Variants in NLGN1 observed in about 807,000 individuals in gnomAD.
The protein encoded by NLGN1 is neuroligin 1.
Under a neutral mutation model 65.5 loss-of-function variants are expected in NLGN1, and 12 were observed. The ratio of observed to expected loss-of-function variants is 0.18; its 90% confidence interval spans 0.12 to 0.30. The LOEUF is 0.30. NLGN1 is among the 10% of genes least tolerant of loss of function. The probability of loss-of-function intolerance (pLI) is 1.00; values close to 1 mark genes in which losing one functional copy is unlikely to be tolerated. For missense variants in NLGN1, 750 were observed against 1,007.1 expected, an observed-to-expected ratio of 0.74 and a Z score of 3.46; for synonymous variants, 350 against 359.5, an observed-to-expected ratio of 0.97 and a Z score of 0.30.
intron 3 of NLGN1, among the ~76,000 whole-genome samples, chr3:173,724,141 A>G (rs960135423): frequency 3.9e-5 from 6 of 152,212 alleles, no homozygotes; most frequent in Non-Finnish European, 8.8e-5. Flanking sequence ...TGACTAGAAA[A>G]TGAGTCTAAA....
chr3:173,880,321 G>A (rs57221754), intron 4 of NLGN1, among the ~76,000 whole-genome samples: 1 of 151,698 alleles, frequency 6.6e-6, no homozygotes, highest in African/African-American at 2.4e-5. Context: ...AAATGATGAA[G>A]GTAGATGTTT....
chr3:173,764,388 C>T (rs1269557969), intron 3 of NLGN1, among the ~76,000 whole-genome samples: 1 of 152,120 alleles, frequency 6.6e-6, no homozygotes, highest in Non-Finnish European at 1.5e-5. Context: ...AGGGGTGTGA[C>T]TGAATCACTG....
intron 4 of NLGN1, among the ~76,000 whole-genome samples, chr3:173,969,817 A>G (rs1402819989): frequency 1.3e-5 from 2 of 152,226 alleles, no homozygotes; most frequent in Admixed American, 6.5e-5. Context: ...CGTAGAATCA[A>G]AATTGCTACC....
intron 4 of NLGN1, among the ~76,000 whole-genome samples, chr3:173,959,814 A>G (rs1351676096): frequency 6.6e-6 from 1 of 152,166 alleles, no homozygotes. Flanking sequence ...ATGCTCCTAC[A>G]TAATTTATAT....
rs149572696 is a variant in NLGN1, at chr3:174,012,931, A to G, written c.646+205099A>G. On this transcript the variant is annotated intron_variant, in intron 4 of 6. Transcript: ENST00000457714. Reference sequence around the variant, plus strand: ...ATGTTAAGTTGCCAAAGCAGAACGTAGAGCTTACAGCAATAAAAGTGAATC... The same window carrying G: ...ATGTTAAGTTGCCAAAGCAGAACGTGGAGCTTACAGCAATAAAAGTGAATC... Among the ~76,000 whole-genome samples the G allele has an allele frequency of 5.3e-3, 810 of 152,328 alleles. 5 individuals are homozygous for G. The highest frequency in any genetic ancestry group is 8.8e-3 in the Non-Finnish European group (600 of 68,028).
intron 2 of NLGN1, among the ~76,000 whole-genome samples, chr3:173,463,355 T>C (rs1723720214): frequency 6.6e-6 from 1 of 152,230 alleles, no homozygotes; most frequent in South Asian, 2.1e-4. Flanking sequence ...ATTGTAACGC[T>C]GTGTTTTCCC....
rs112241159 is a variant in NLGN1, at chr3:173,507,263, C to T, written c.-321+72185C>T. Among the ~76,000 whole-genome samples, 779 of 152,132 alleles carry T rather than the reference C, an allele frequency of 5.1e-3. 5 individuals carry two copies. Among genetic ancestry groups the T allele is most frequent in the African/African-American group, 0.018 (753 of 41,508 alleles). ...TTGAATGGAAGGAGGAACCAAGAAC[C>T]GCCCTTAACATTTTGTCACACTGAG... On this transcript the variant is annotated intron_variant, in intron 2 of 6. Transcript: ENST00000457714.
chr3:173,774,879 G>T (rs1251477333), intron 3 of NLGN1, among the ~76,000 whole-genome samples: 2 of 151,706 alleles, frequency 1.3e-5, no homozygotes, highest in African/African-American at 4.8e-5. Flanking sequence ...GTTTAACATA[G>T]AGTGTTTTCC....
chr3:173,398,669 A>G (rs1717066736), intron 1 of NLGN1, among the ~76,000 whole-genome samples: 2 of 152,164 alleles, frequency 1.3e-5, no homozygotes, highest in Admixed American at 6.6e-5. Flanking sequence ...CAAAGGTACT[A>G]TTTCTTTTTG....
At chr3:173,995,799 G>T (rs1032660948) in intron 4 of NLGN1, among the ~76,000 whole-genome samples, 2 of 151,184 alleles carry the variant, frequency 1.3e-5, no homozygotes, top group African/African-American at 2.4e-5. Context: ...TGATCCTCTT[G>T]CCTCAGTTTC....
At chr3:174,250,993 G>A (rs527452544) in intron 4 of NLGN1, among the ~76,000 whole-genome samples, 1 of 147,214 alleles carries the variant, frequency 6.8e-6, no homozygotes, top group Non-Finnish European at 1.5e-5. Context: ...TGTCAAACGT[G>A]CACCTATAAC....
chr3:173,769,081 A>G (rs184563933), intron 3 of NLGN1, among the ~76,000 whole-genome samples: 1 of 152,188 alleles, frequency 6.6e-6, no homozygotes, highest in East Asian at 1.9e-4. Flanking sequence ...ACCGACCTAG[A>G]TTGGTCTCCA....
intron 2 of NLGN1, among the ~76,000 whole-genome samples, chr3:173,518,139 A>G (rs1488186110): frequency 1.3e-5 from 2 of 152,178 alleles, no homozygotes; most frequent in Non-Finnish European, 2.9e-5. Context: ...CCTTCAGGCA[A>G]TGATATCAGT....
In NLGN1 at chr3:173,932,063, A is replaced by C. The variant is rs771057788; in HGVS notation, c.646+124231A>C. On this transcript the variant is annotated intron_variant, in intron 4 of 6. Transcript: ENST00000457714. ...TGTTTTGTTTTCCAGAGCAAATGGA[A>C]GGATTGGGTTTCCATTACTGAAAGA... Among the ~76,000 whole-genome samples, 3 of 152,082 alleles carry C rather than the reference A, an allele frequency of 2.0e-5. No individual in the cohort carries two copies. In the Middle Eastern group the frequency reaches 0.01, roughly 517 times the overall value.
intron 3 of NLGN1, among the ~76,000 whole-genome samples, chr3:173,681,278 C>T (rs865829351): frequency 2.0e-5 from 3 of 152,058 alleles, no homozygotes; most frequent in South Asian, 2.1e-4. Flanking sequence ...AATGACCTTA[C>T]GGTCAGTGTT....
chr3:174,115,730 A>G (rs1716251496), intron 4 of NLGN1, among the ~76,000 whole-genome samples: 1 of 152,198 alleles, frequency 6.6e-6, no homozygotes, highest in Non-Finnish European at 1.5e-5. Flanking sequence ...CACAATAACA[A>G]AGACAAAGCT....
intron 4 of NLGN1, 73 bp from the exon 5 acceptor site, chr3:174,275,242 A>G: frequency 2.7e-6 from 3 of 1,109,384 alleles, no homozygotes; most frequent in Non-Finnish European, 2.7e-6. Context: ...TACAGGCTTC[A>G]TTTGTGTTTA....
intron 4 of NLGN1, among the ~76,000 whole-genome samples, chr3:174,048,114 C>A (rs576505310): frequency 6.6e-6 from 1 of 152,034 alleles, no homozygotes; most frequent in African/African-American, 2.4e-5. Flanking sequence ...TCTATCTAAC[C>A]TCAAAAAGAG....
chr3:173,668,175 T>C (rs1426471164), intron 3 of NLGN1, among the ~76,000 whole-genome samples: 1 of 152,096 alleles, frequency 6.6e-6, no homozygotes, highest in African/African-American at 2.4e-5. Context: ...GTTCAGAAAA[T>C]AGGCAGTGAT....
Sources: gnomAD v4.1 joint callset for allele counts (sites outside exome capture counted in the v4.1 genomes callset) on GRCh38, gnomAD v4.1.1 for gene constraint, MANE v1.5 for transcripts, NCBI Gene and HGNC (gene_info 2026-07-23, HGNC 2026-07-21) for gene names.